AMPD3: variants seen among roughly 807,000 people sequenced by gnomAD.
The protein encoded by AMPD3 is AMP deaminase 3.
In AMPD3, 57 loss-of-function variants were observed where a neutral mutation model predicts 82.3. That is an observed-to-expected ratio of 0.69 (90% CI 0.56 to 0.86). AMPD3 has a LOEUF of 0.86. Among genes scored for constraint, AMPD3 ranks in the 40% least tolerant of loss-of-function variants. The pLI is 0.00. For synonymous variants in AMPD3, 381 were observed against 394.7 expected, an observed-to-expected ratio of 0.97 and a Z score of 0.41; for missense variants, 870 against 1,003.8, an observed-to-expected ratio of 0.87 and a Z score of 1.80.
At chr11:10,484,405 GT>G in intron 4 of AMPD3, 2 of 985,270 alleles carry the variant, frequency 2.0e-6, no homozygotes, top group Non-Finnish European at 2.4e-6. Flanking sequence ...GGTGCAATCT[GT>G]TTTTTTCCTG....
chr11:10,497,767 GGA>G, intron 10 of AMPD3: 7 of 985,240 alleles, frequency 7.1e-6, no homozygotes, highest in Non-Finnish European at 8.4e-6. Flanking sequence ...CCTGGAGACA[GGA>G]GGGGAGCTTG....
intron 1 of AMPD3, among the ~76,000 whole-genome samples, chr11:10,458,311 C>A (rs1243876158): frequency 7.7e-6 from 1 of 129,598 alleles, no homozygotes; most frequent in Non-Finnish European, 1.6e-5. Flanking sequence ...CTCCCTCCCT[C>A]CCTTCGGCAA....
chr11:10,501,860 C>T, intron 12 of AMPD3: 1 of 983,346 alleles, frequency 1.0e-6, no homozygotes, highest in Non-Finnish European at 1.2e-6. Context: ...ATCTAATTTC[C>T]ATCTTTTATC....
rs752971749 is a variant in AMPD3, at chr11:10,502,823, A to C, written c.1945A>C (p.Arg649=). 1.2e-6 allele frequency: 2 copies of C among 1,614,072 alleles called. No homozygotes were observed. The highest frequency in any genetic ancestry group is 4.5e-5 in the East Asian group (2 of 44,894). ...LFLEYSKNPL[R]EFLHKGLHVS... is the part of the protein sequence containing the mutation. ...CCTCGAATATTCCAAGAACCCTCTG[A>C]GGGAATTCCTACACAAGGGACTGCA... The change falls in exon 13 of 15, where the codon AGG becomes CGG. Residue 649 remains arginine (R), a synonymous_variant. Coordinates refer to ENST00000396553, the MANE Select transcript of AMPD3 (RefSeq NM_001025389.2).
Position 10,482,190 on chromosome 11 carries a change from G to A in AMPD3, c.554G>A (p.Arg185Gln), listed in dbSNP as rs1564847456. Reference protein sequence around the residue: ...RITSQYLGHPRADTAPPEEGL... With the variant: ...RITSQYLGHPQADTAPPEEGL... The stretch of plus-strand genomic sequence containing the variant: ...ACATCCCAGTACCTGGGTCATCCGC[G>A]GGCGGATACTGCACCTCCGGAAGAG... The change falls in exon 4 of 15, where the codon CGG becomes CAG. Residue 185 changes from arginine to glutamine, a missense_variant. By Grantham distance (43) the Arg-to-Gln change is conservative (BLOSUM62 1). Coordinates refer to ENST00000396553, the MANE Select transcript of AMPD3 (RefSeq NM_001025389.2). 5 of 1,613,308 alleles carry A rather than the reference G, an allele frequency of 3.1e-6. No homozygotes were observed. Among genetic ancestry groups the A allele is most frequent in the East Asian group, 2.2e-5 (1 of 44,880 alleles).
chr11:10,504,081 T>C, intron 13 of AMPD3: 1 of 951,814 alleles, frequency 1.1e-6, no homozygotes, highest in Non-Finnish European at 1.3e-6. Flanking sequence ...TCATTTTTTT[T>C]TTGATGTTCC....
intron 9 of AMPD3, chr11:10,496,074 G>A (rs1177914051): frequency 3.8e-5 from 12 of 319,460 alleles, no homozygotes; most frequent in African/African-American, 1.4e-4. Flanking sequence ...CCGCCACCAC[G>A]TCTGGCCAAT....
chr11:10,489,208 C>A (rs2133908698), intron 6 of AMPD3, among the ~76,000 whole-genome samples: 1 of 152,334 alleles, frequency 6.6e-6, no homozygotes, highest in South Asian at 2.1e-4. Flanking sequence ...ACTGTGTGAA[C>A]TCCTCTCAGC....
At chr11:10,493,762 A>C in intron 7 of AMPD3, 1 of 628,810 alleles carries the variant, frequency 1.6e-6, no homozygotes. Flanking sequence ...GACAGGTCTA[A>C]GCACTAATCC....
At chr11:10,487,198 G>A (rs1471134108) in intron 5 of AMPD3, 37 bp from the exon 6 acceptor site, 19 of 1,613,064 alleles carry the variant, frequency 1.2e-5, no homozygotes, top group Non-Finnish European at 1.6e-5. Flanking sequence ...AGCTCGATGC[G>A]ACTCAACTAT....
intron 6 of AMPD3, chr11:10,488,122 C>A (rs976180493): frequency 7.1e-5 from 53 of 741,786 alleles, no homozygotes; most frequent in Non-Finnish European, 8.2e-5. Flanking sequence ...CTCTCTTCTC[C>A]CACCAAGGGG....
intron 6 of AMPD3, chr11:10,488,163 C>G (rs1292302291): frequency 3.1e-6 from 3 of 975,526 alleles, no homozygotes; most frequent in Non-Finnish European, 3.7e-6. Context: ...TCCTGGCAGT[C>G]TCCGCCTGCA....
At chr11:10,479,887 T>C in intron 3 of AMPD3, 2 of 985,314 alleles carry the variant, frequency 2.0e-6, no homozygotes, top group South Asian at 4.7e-5. Context: ...TGGATGGGAG[T>C]TTAGGTTGGG....
At chr11:10,450,441 C>G (rs1426038785), upstream of AMPD3, 1 of 985,726 alleles carries the variant, frequency 1.0e-6, no homozygotes, top group East Asian at 1.1e-4. Flanking sequence ...CTACAGGGAG[C>G]AAGTCACCTG....
At chr11:10,492,330 G>A (rs1397925379) in intron 6 of AMPD3, among the ~76,000 whole-genome samples, 1 of 152,248 alleles carries the variant, frequency 6.6e-6, no homozygotes, top group East Asian at 1.9e-4. Context: ...CTTAGGGTCA[G>A]TAGAGCGGCT....
In AMPD3 at chr11:10,501,480, C is replaced by G. The variant is rs757239966; in HGVS notation, c.1732C>G (p.Leu578Val). 13 of 1,614,120 alleles carry G rather than the reference C, an allele frequency of 8.1e-6. No individual in the cohort carries two copies. Among genetic ancestry groups the G allele is most frequent in the Non-Finnish European group, 8.5e-7 (1 of 1,180,000 alleles). ...CCCCTTCTCTTACAGGGAGCGCGGC[C>G]TGAGCACGTTCCTGTTCCGGCCGCA... ...VLNNLRRERGLSTFLFRPHCG... is the reference protein window; with the variant it reads ...VLNNLRRERGVSTFLFRPHCG... Residue 578 changes from leucine (L) to valine (V), a missense_variant, in exon 12 of 15, where the codon CTG (leucine) becomes GTG (valine). Transcript: ENST00000396553.
chr11:10,473,340 T>A, intron 2 of AMPD3: 1 of 944,932 alleles, frequency 1.1e-6, no homozygotes. Flanking sequence ...ATAGTACAGA[T>A]TGCACTTCAT....
intron 3 of AMPD3, 36 bp downstream of exon 3, chr11:10,478,766 A>G: frequency 1.2e-6 from 2 of 1,602,754 alleles, no homozygotes; most frequent in Non-Finnish European, 1.7e-6. Context: ...TGTGCCTTGC[A>G]TGCAAAGGCC....
chr11:10,477,563 T>C (rs1848776780), intron 2 of AMPD3, among the ~76,000 whole-genome samples: 1 of 152,158 alleles, frequency 6.6e-6, no homozygotes, highest in African/African-American at 2.4e-5. Flanking sequence ...AGCATGGGCT[T>C]GTGGCATTTT....
Sources: gnomAD v4.1 joint callset for allele counts (sites outside exome capture counted in the v4.1 genomes callset) on GRCh38, gnomAD v4.1.1 for gene constraint, MANE v1.5 for transcripts, NCBI Gene and HGNC (gene_info 2026-07-23, HGNC 2026-07-21) for gene names.